The following LOXL2 variants were observed in gnomAD, a reference collection of about 807,000 sequenced individuals.
The protein encoded by LOXL2 is lysyl oxidase like 2, also known as lysyl oxidase homolog 2.
A neutral mutation model predicts 93.0 loss-of-function variants in LOXL2; 70 were observed. The ratio of observed to expected loss-of-function variants is 0.75; its 90% CI spans 0.62 to 0.92. The LOEUF (loss-of-function observed/expected upper bound fraction) is 0.92, where lower values mean the gene tolerates loss of function less well. LOXL2 is among the 40% of genes least tolerant of loss of function. The pLI, the probability that LOXL2 is intolerant of heterozygous loss-of-function variation, is 0.00. For synonymous variants in LOXL2, 438 were observed against 413.2 expected (o/e 1.06, Z -0.73); for missense variants, 973 against 1,054.9 (o/e 0.92, Z 1.08).
At chr8:23,316,335 A>G (rs1803401253) in intron 9 of LOXL2, among the ~76,000 whole-genome samples, 1 of 152,082 alleles carries the variant, frequency 6.6e-6, no homozygotes, top group South Asian at 2.1e-4. Flanking sequence ...CCCAATGGAG[A>G]TGGCTGCGTG....
At chr8:23,399,747 G>A (rs1454129343) in intron 1 of LOXL2, among the ~76,000 whole-genome samples, 1 of 152,146 alleles carries the variant, frequency 6.6e-6, no homozygotes, top group Non-Finnish European at 1.5e-5. Flanking sequence ...CACCTCCTAA[G>A]GCTCCCCAAA....
At chr8:23,311,712 C>T (rs1409318511) in intron 9 of LOXL2, among the ~76,000 whole-genome samples, 1 of 152,182 alleles carries the variant, frequency 6.6e-6, no homozygotes, top group African/African-American at 2.4e-5. Flanking sequence ...TATTACGATG[C>T]TCTGTGCTAG....
At chr8:23,348,581 C>T (rs932358662) in intron 3 of LOXL2, among the ~76,000 whole-genome samples, 3 of 151,754 alleles carry the variant, frequency 2.0e-5, no homozygotes, top group African/African-American at 7.3e-5. Context: ...CAAAACAAAA[C>T]AAAACAGTGG....
chr8:23,400,438 C>T (rs1800140881), intron 1 of LOXL2, among the ~76,000 whole-genome samples: 1 of 151,982 alleles, frequency 6.6e-6, no homozygotes, highest in Admixed American at 6.6e-5. Flanking sequence ...AAAGATCTAC[C>T]CCCATGATTC....
chr8:23,342,474 C>A (rs1263768515), intron 3 of LOXL2, among the ~76,000 whole-genome samples: 1 of 151,254 alleles, frequency 6.6e-6, no homozygotes, highest in Non-Finnish European at 1.5e-5. Context: ...CTCTGTCGCC[C>A]AGGCTGGAGT....
At chr8:23,336,133 G>A (rs1803787348) in intron 4 of LOXL2, 2 of 152,286 alleles carry the variant, frequency 1.3e-5, no homozygotes, top group South Asian at 2.1e-4. Context: ...CCAGCTGCTC[G>A]AGGATTGGTC....
Position 23,297,919 on chromosome 8 carries a change from C to T in LOXL2, c.*124G>A, listed in dbSNP as rs1019709305. On this transcript the variant is annotated 3_prime_UTR_variant, in exon 14 of 14. Coordinates refer to ENST00000389131, the MANE Select transcript of LOXL2 (RefSeq NM_002318.3). Reference sequence around the variant, plus strand: ...TGAGCTTAGACACAGCTGTAGGGGTCTGGACAGGGTGGGGGCCGGGCTGGG... The same window carrying T: ...TGAGCTTAGACACAGCTGTAGGGGTTTGGACAGGGTGGGGGCCGGGCTGGG... 1.9e-5 allele frequency: 14 copies of T among 734,872 alleles called. No individual in the cohort carries two copies. Among genetic ancestry groups the T allele is most frequent in the Non-Finnish European group, 3.3e-5 (14 of 423,008 alleles). 45.5% of individuals were successfully genotyped at this position (734,872 alleles called of 1,614,324 possible).
intron 1 of LOXL2, among the ~76,000 whole-genome samples, chr8:23,387,103 CAAAT>C (rs1487929972): frequency 1.3e-5 from 2 of 152,198 alleles, no homozygotes; most frequent in South Asian, 2.1e-4. Context: ...CTGACTGACA[CAAAT>C]AAAAGCCAGA....
At chr8:23,392,329 C>G (rs748274445) in intron 1 of LOXL2, among the ~76,000 whole-genome samples, 7 of 152,204 alleles carry the variant, frequency 4.6e-5, no homozygotes, top group Non-Finnish European at 8.8e-5. Flanking sequence ...TCAAGTGTCA[C>G]ATCACTGAAG....
chr8:23,346,186 AAAATAAAATAAAATAAAAT>A (rs1563197483), intron 3 of LOXL2, among the ~76,000 whole-genome samples: 2 of 111,588 alleles, frequency 1.8e-5, no homozygotes, highest in South Asian at 2.5e-4. Flanking sequence ...ATAAAATAAT[AAAATAAAATAAAATAAAAT>A]AAATAAAATA....
intron 1 of LOXL2, among the ~76,000 whole-genome samples, chr8:23,399,556 C>G (rs1299500578): frequency 6.6e-6 from 1 of 152,176 alleles, no homozygotes; most frequent in Non-Finnish European, 1.5e-5. Flanking sequence ...AGCCCCCTCA[C>G]GATGGTCCTG....
chr8:23,318,812 A>AG (rs1400574299), intron 8 of LOXL2, among the ~76,000 whole-genome samples: 1 of 152,196 alleles, frequency 6.6e-6, no homozygotes, highest in Non-Finnish European at 1.5e-5. Context: ...AGAGGGCGTA[A>AG]GCAGCTATTT....
At chr8:23,343,589 C>T (rs1364370428) in intron 3 of LOXL2, among the ~76,000 whole-genome samples, 2 of 152,248 alleles carry the variant, frequency 1.3e-5, no homozygotes, top group East Asian at 1.9e-4. Context: ...CACGTCTCCT[C>T]GCCATGGGCT....
Position 23,317,001 on chromosome 8 carries a change from C to T in LOXL2, c.1584G>A (p.Val528=). Reference sequence around the variant, plus strand: ...ACTGCACTCCGCCCTGGGGGCAGGCCACGTCCTCCCCGTCGTGGCGGCAGT... The same window carrying T: ...ACTGCACTCCGCCCTGGGGGCAGGCTACGTCCTCCCCGTCGTGGCGGCAGT... The part of the protein sequence containing the change: ...LAHCRHDGED[V]ACPQGGVQYG... Residue 528 remains valine, a synonymous_variant, in exon 9 of 14, where the codon GTG becomes GTA. Coordinates refer to ENST00000389131, the MANE Select transcript of LOXL2 (RefSeq NM_002318.3). 6.2e-7 allele frequency: 1 copy of T among 1,614,128 alleles called. No individual in the cohort carries two copies. The highest frequency in any genetic ancestry group is 8.5e-7 in the Non-Finnish European group (1 of 1,179,998).
At chr8:23,397,103 G>C (rs981128875) in intron 1 of LOXL2, among the ~76,000 whole-genome samples, 1 of 152,184 alleles carries the variant, frequency 6.6e-6, no homozygotes, top group Non-Finnish European at 1.5e-5. Flanking sequence ...AGCCAGACAC[G>C]AAAAGACAAA....
chr8:23,319,224 G>A (rs747039804), intron 8 of LOXL2, among the ~76,000 whole-genome samples: 2 of 151,038 alleles, frequency 1.3e-5, no homozygotes, highest in Non-Finnish European at 3.0e-5. Flanking sequence ...GCCAGCTGGT[G>A]GGAATGCGTC....
At chr8:23,379,629 G>A (rs553027637) in intron 1 of LOXL2, among the ~76,000 whole-genome samples, 5 of 126,828 alleles carry the variant, frequency 3.9e-5, no homozygotes, top group African/African-American at 1.7e-4. Flanking sequence ...TCAAGCCTCA[G>A]CAATGGCGGG....
chr8:23,315,000 C>A (rs866953397), intron 9 of LOXL2, among the ~76,000 whole-genome samples: 1 of 152,104 alleles, frequency 6.6e-6, no homozygotes, highest in African/African-American at 2.4e-5. Flanking sequence ...CCCGTGCGAG[C>A]CCCTGGTCAC....
chr8:23,399,780 A>C (rs1005575724), intron 1 of LOXL2, among the ~76,000 whole-genome samples: 3 of 152,244 alleles, frequency 2.0e-5, no homozygotes, highest in African/African-American at 7.2e-5. Context: ...GGAAGCAGTC[A>C]TGCTTGTGCA....
Sources: gnomAD v4.1 joint callset for allele counts (sites outside exome capture counted in the v4.1 genomes callset) on GRCh38, gnomAD v4.1.1 for gene constraint, MANE v1.5 for transcripts, NCBI Gene and HGNC (gene_info 2026-07-23, HGNC 2026-07-21) for gene names.